The following RUNDC3B variants were observed in gnomAD, a reference collection of about 807,000 sequenced individuals.
RUNDC3B encodes RUN domain containing 3B.
A neutral mutation model predicts 58.4 loss-of-function variants in RUNDC3B; 33 were observed. The ratio of observed to expected loss-of-function variants is 0.56; its 90% CI spans 0.43 to 0.75. The LOEUF (loss-of-function observed/expected upper bound fraction) is 0.75, where lower values mean the gene tolerates loss of function less well. Among genes scored for constraint, RUNDC3B ranks in the 30% least tolerant of loss-of-function variants. The pLI is 0.00. For missense variants in RUNDC3B, 501 were observed against 535.7 expected (o/e 0.94, Z 0.64); for synonymous variants, 193 against 195.2 (o/e 0.99, Z 0.10).
In RUNDC3B at chr7:87,770,663, G is replaced by A. The variant is rs1392324351; in HGVS notation, c.712G>A (p.Gly238Arg). ...CGAAAGCAGTACTCCAGAGAATGTCGGACCTCCTTTCCTCATGGATGAGAA... is the reference window on the plus strand; with the variant it reads ...CGAAAGCAGTACTCCAGAGAATGTCAGACCTCCTTTCCTCATGGATGAGAA... ...GSESSTPENV[G>R]PPFLMDENSW... The change falls in exon 7 of 11, where the codon GGA (glycine) becomes AGA (arginine). Residue 238 changes from glycine to arginine, a missense_variant. Gly to Arg is a moderately radical substitution (Grantham distance 125, BLOSUM62 -2). Transcript: ENST00000394654. 13 of 1,613,096 alleles carry A rather than the reference G, an allele frequency of 8.1e-6. No homozygotes were observed. The highest frequency in any genetic ancestry group is 5.3e-5 in the African/African-American group (4 of 74,846).
intron 6 of RUNDC3B, among the ~76,000 whole-genome samples, chr7:87,755,991 G>A (rs1473885369): frequency 6.6e-6 from 1 of 152,130 alleles, no homozygotes; most frequent in Non-Finnish European, 1.5e-5. Context: ...AATTGGAGGA[G>A]GGTAGAGTGA....
chr7:87,768,916 T>A (rs982033829), intron 6 of RUNDC3B, among the ~76,000 whole-genome samples: 1 of 152,210 alleles, frequency 6.6e-6, no homozygotes, highest in Non-Finnish European at 1.5e-5. Flanking sequence ...GAACTCTTTT[T>A]TTTTTTTCAA....
intron 2 of RUNDC3B, among the ~76,000 whole-genome samples, chr7:87,651,471 T>G (rs552253729): frequency 3.2e-4 from 49 of 152,234 alleles, no homozygotes; most frequent in African/African-American, 1.1e-3. Context: ...AATTTTAGAT[T>G]CTTTAAATTA....
At chr7:87,826,375 G>A (rs1168709652) in intron 10 of RUNDC3B, among the ~76,000 whole-genome samples, 1 of 147,430 alleles carries the variant, frequency 6.8e-6, no homozygotes, top group African/African-American at 2.6e-5. Flanking sequence ...TGATCATGAG[G>A]CTTCCCCAGT....
intron 2 of RUNDC3B, among the ~76,000 whole-genome samples, chr7:87,673,106 C>T (rs539883966): frequency 2.6e-5 from 4 of 152,274 alleles, no homozygotes; most frequent in South Asian, 2.1e-4. Flanking sequence ...ATCGGGTTCC[C>T]TTTGTAGGTG....
chr7:87,746,439 C>CT (rs1422778789), intron 6 of RUNDC3B, among the ~76,000 whole-genome samples: 5 of 152,130 alleles, frequency 3.3e-5, no homozygotes, highest in Non-Finnish European at 7.4e-5. Context: ...TATTGTGTTG[C>CT]TGTCTATCTC....
intron 1 of RUNDC3B, among the ~76,000 whole-genome samples, chr7:87,629,834 G>A (rs1193036610): frequency 6.6e-6 from 1 of 151,538 alleles, no homozygotes; most frequent in Non-Finnish European, 1.5e-5. Context: ...GGTGAGGCAG[G>A]AGAATCGATT....
chr7:87,808,397 G>T (rs1836548625), intron 9 of RUNDC3B, among the ~76,000 whole-genome samples: 1 of 151,804 alleles, frequency 6.6e-6, no homozygotes, highest in Non-Finnish European at 1.5e-5. Context: ...CTTTCACTAG[G>T]TTATTAGTAG....
chr7:87,675,805 C>G (rs1826295699), intron 2 of RUNDC3B, among the ~76,000 whole-genome samples: 1 of 151,736 alleles, frequency 6.6e-6, no homozygotes, highest in Non-Finnish European at 1.5e-5. Flanking sequence ...TGTAAAATTA[C>G]TAAAAGAAAA....
intron 1 of RUNDC3B, among the ~76,000 whole-genome samples, chr7:87,631,250 A>G (rs1448736308): frequency 3.3e-5 from 5 of 152,240 alleles, no homozygotes; most frequent in Non-Finnish European, 7.3e-5. Context: ...ACTATAGGCC[A>G]TTTGTACATT....
At chr7:87,709,352 A>G (rs1362614364) in intron 3 of RUNDC3B, 2 of 985,162 alleles carry the variant, frequency 2.0e-6, no homozygotes, top group Non-Finnish European at 2.4e-6. Flanking sequence ...TTTAGATGAA[A>G]TTTCAAGAGA....
chr7:87,711,549 A>C (rs1397636070), intron 4 of RUNDC3B, among the ~76,000 whole-genome samples: 1 of 152,118 alleles, frequency 6.6e-6, no homozygotes, highest in Non-Finnish European at 1.5e-5. Context: ...TCATCTGCTG[A>C]TCTTTATTTG....
intron 10 of RUNDC3B, among the ~76,000 whole-genome samples, chr7:87,823,872 G>A (rs544331530): frequency 1.3e-5 from 2 of 151,106 alleles, no homozygotes; most frequent in East Asian, 3.9e-4. Flanking sequence ...ACCAGTTTCT[G>A]TATCCACTTG....
At chr7:87,812,856 GTTATGGCC>G (rs1387094773) in intron 9 of RUNDC3B, among the ~76,000 whole-genome samples, 1 of 152,158 alleles carries the variant, frequency 6.6e-6, no homozygotes, top group Non-Finnish European at 1.5e-5. Flanking sequence ...ATAGGGCTTA[GTTATGGCC>G]TTATAAAGAC....
intron 4 of RUNDC3B, among the ~76,000 whole-genome samples, chr7:87,711,758 T>C (rs894852253): frequency 7.2e-5 from 11 of 152,338 alleles, no homozygotes; most frequent in African/African-American, 2.6e-4. Flanking sequence ...CACATGTAGC[T>C]AATGGTAACC....
At chr7:87,762,330 G>C (rs116856968) in intron 6 of RUNDC3B, among the ~76,000 whole-genome samples, 1 of 151,322 alleles carries the variant, frequency 6.6e-6, no homozygotes, top group Non-Finnish European at 1.5e-5. Flanking sequence ...GTGAACAATA[G>C]TATATTATCT....
At chr7:87,821,693 A>G (rs1254784766) in intron 10 of RUNDC3B, among the ~76,000 whole-genome samples, 2 of 152,236 alleles carry the variant, frequency 1.3e-5, no homozygotes, top group East Asian at 3.8e-4. Context: ...CAAAACAGAG[A>G]TATAGATCAA....
At position 87,680,561 on chromosome 7, in the gene RUNDC3B, G is replaced by A. The variant is rs144181919; in HGVS notation, c.239-19860G>A. Among the ~76,000 whole-genome samples, 49 of 150,858 alleles carry A rather than the reference G, an allele frequency of 3.2e-4. 3 individuals carry two copies. The East Asian group carries it at 9.5e-3, about 29-fold the overall frequency. ...TAATCCCAGCACTTAGGGAGGCCAA[G>A]GCGAGTGGATCACCTTAGGTCAGGA... On this transcript the variant is annotated intron_variant, in intron 2 of 10. Coordinates refer to ENST00000394654, the MANE Select transcript of RUNDC3B (RefSeq NM_001134405.2).
At chr7:87,687,643 A>T (rs997414994) in intron 2 of RUNDC3B, among the ~76,000 whole-genome samples, 4 of 152,168 alleles carry the variant, frequency 2.6e-5, no homozygotes, top group Non-Finnish European at 5.9e-5. Context: ...TGAAAAATTG[A>T]TGGAAGAGTA....
Sources: gnomAD v4.1 joint callset for allele counts (sites outside exome capture counted in the v4.1 genomes callset) on GRCh38, gnomAD v4.1.1 for gene constraint, MANE v1.5 for transcripts, NCBI Gene and HGNC (gene_info 2026-07-23, HGNC 2026-07-21) for gene names.